The following KSR2 variants were observed in gnomAD, a reference collection of about 807,000 sequenced individuals.
KSR2 encodes the protein kinase suppressor of ras 2.
A neutral mutation model predicts 107.8 loss-of-function variants in KSR2; 25 were observed. The ratio of observed to expected loss-of-function variants is 0.23; its 90% CI spans 0.17 to 0.32. The LOEUF (loss-of-function observed/expected upper bound fraction) is 0.32, where lower values mean the gene tolerates loss of function less well. Among genes scored for constraint, KSR2 ranks in the 10% least tolerant of loss-of-function variants. The pLI, the probability that KSR2 is intolerant of heterozygous loss-of-function variation, is 1.00. For synonymous variants in KSR2, 480 were observed against 507.0 expected (o/e 0.95, Z 0.71); for missense variants, 887 against 1,268.9 (o/e 0.70, Z 4.57).
chr12:117,760,581 T>C (rs1888966443), intron 4 of KSR2, among the ~76,000 whole-genome samples: 1 of 152,206 alleles, frequency 6.6e-6, no homozygotes, highest in Non-Finnish European at 1.5e-5. Context: ...ATCCTATTTC[T>C]AGGAGCGGCA....
In KSR2 at chr12:117,689,095, C is replaced by T. The variant is rs537666312; in HGVS notation, c.987-21437G>A. On this transcript the variant is annotated intron_variant, in intron 4 of 19. Transcript: ENST00000339824. ...CTTCTGTGACCATAACTACCTAATA[C>T]CAACATACAATGAATATGTCCAAAC... Among the ~76,000 whole-genome samples, 19 of 152,308 alleles carry T rather than the reference C, an allele frequency of 1.2e-4. No individual in the cohort carries two copies. The South Asian group carries it at 3.7e-3, about 30-fold the overall frequency.
intron 1 of KSR2, among the ~76,000 whole-genome samples, chr12:117,947,259 AG>A (rs1896230223): frequency 1.5e-5 from 1 of 67,538 alleles, no homozygotes; most frequent in Non-Finnish European, 3.2e-5. Context: ...GAAAGAAAGA[AG>A]ATAAACCACA....
intron 5 of KSR2, among the ~76,000 whole-genome samples, chr12:117,663,201 T>G (rs1884513050): frequency 6.6e-6 from 1 of 152,234 alleles, no homozygotes; most frequent in Non-Finnish European, 1.5e-5. Flanking sequence ...CAAGTTTTAA[T>G]GAAGATGACA....
rs200308402 is a variant in KSR2 at position 117,548,652 on chromosome 12, C to T, written c.1518+6517G>A. ...GTGGGGTTGGCATTTCTCACCCCCA[C>T]ATTTTTCAAGGGTCAACTGAACTTA... On this transcript the variant is annotated intron_variant, in intron 9 of 19. Coordinates refer to ENST00000339824, the MANE Select transcript of KSR2 (RefSeq NM_173598.6). Among the ~76,000 whole-genome samples the T allele has an allele frequency of 4.6e-5, 7 of 152,226 alleles. No individual in the cohort carries two copies. In the East Asian group the frequency reaches 7.7e-4, roughly 17 times the overall value.
chr12:117,770,890 TG>T (rs1329826998), intron 3 of KSR2, among the ~76,000 whole-genome samples: 1 of 144,636 alleles, frequency 6.9e-6, no homozygotes, highest in Admixed American at 7.2e-5. Context: ...GGCAGGAGAA[TG>T]GTGTGAACCC....
chr12:117,484,877 C>T (rs1486991686), intron 15 of KSR2, among the ~76,000 whole-genome samples: 2 of 152,158 alleles, frequency 1.3e-5, no homozygotes, highest in East Asian at 1.9e-4. Context: ...CATCCACTTC[C>T]CCTTTAAATA....
chr12:117,599,345 T>C lies in KSR2; in HGVS notation c.1172-16986A>G, dbSNP rs565783083. ...GGTTCCCAAACTTCACGCATCAGAT[T>C]CCTGGGGGAAGGATAGGTTGTTAAT... On this transcript the variant is annotated intron_variant, in intron 5 of 19. Coordinates refer to ENST00000339824, the MANE Select transcript of KSR2 (RefSeq NM_173598.6). 7.2e-5 allele frequency among the ~76,000 whole-genome samples: 11 copies of C among 152,284 alleles called. No homozygotes were observed. The East Asian group carries it at 2.1e-3, about 29-fold the overall frequency.
intron 1 of KSR2, among the ~76,000 whole-genome samples, chr12:117,882,618 TA>T (rs1894059378): frequency 7.2e-6 from 1 of 138,752 alleles, no homozygotes; most frequent in South Asian, 2.4e-4. Flanking sequence ...TCCTTCCATC[TA>T]TCCATCCATC....
chr12:117,753,209 G>A (rs997148881), intron 4 of KSR2, among the ~76,000 whole-genome samples: 2 of 152,156 alleles, frequency 1.3e-5, no homozygotes, highest in East Asian at 1.9e-4. Flanking sequence ...CTTTGGGAAC[G>A]TTTTTAGATT....
chr12:117,579,787 C>T (rs1328825324), intron 6 of KSR2, among the ~76,000 whole-genome samples: 1 of 152,158 alleles, frequency 6.6e-6, no homozygotes, highest in African/African-American at 2.4e-5. Context: ...AAAGTGAAAG[C>T]CATTCAGACC....
At chr12:117,736,625 C>T (rs930544935) in intron 4 of KSR2, among the ~76,000 whole-genome samples, 1 of 152,018 alleles carries the variant, frequency 6.6e-6, no homozygotes, top group Non-Finnish European at 1.5e-5. Context: ...GCCTGGGCAA[C>T]GTGGCGAAAC....
At chr12:117,647,655 G>A (rs1255523404) in intron 5 of KSR2, among the ~76,000 whole-genome samples, 1 of 152,160 alleles carries the variant, frequency 6.6e-6, no homozygotes, top group Non-Finnish European at 1.5e-5. Flanking sequence ...GCATGTTAGT[G>A]ATGCTGGAGA....
At chr12:117,950,749 A>AAAAAATAATAAT (rs1555260902) in intron 1 of KSR2, among the ~76,000 whole-genome samples, 34 of 132,140 alleles carry the variant, frequency 2.6e-4, no homozygotes, top group Middle Eastern at 3.9e-3. Context: ...AAAAAAAAAA[A>AAAAAATAATAAT]AATAATAATA....
intron 14 of KSR2, among the ~76,000 whole-genome samples, chr12:117,490,002 A>G (rs1398301408): frequency 6.6e-6 from 1 of 152,244 alleles, no homozygotes; most frequent in African/African-American, 2.4e-5. Flanking sequence ...GTATGTGCTT[A>G]GGACCTATAT....
chr12:117,687,234 G>A (rs1471969693), intron 4 of KSR2, among the ~76,000 whole-genome samples: 1 of 152,122 alleles, frequency 6.6e-6, no homozygotes, highest in Non-Finnish European at 1.5e-5. Flanking sequence ...CTTCTGTGGG[G>A]GCAAGTGAGT....
At chr12:117,697,492 T>C (rs959056089) in intron 4 of KSR2, among the ~76,000 whole-genome samples, 4 of 152,276 alleles carry the variant, frequency 2.6e-5, no homozygotes, top group South Asian at 2.1e-4. Flanking sequence ...CCTGTAACCC[T>C]AGCACTTTGG....
intron 5 of KSR2, among the ~76,000 whole-genome samples, chr12:117,643,946 C>T (rs115961678): frequency 0.019 from 2,837 of 152,202 alleles, 93 homozygotes; most frequent in African/African-American, 0.065. Context: ...AATGAATGAT[C>T]CTTGGATGGG....
At chr12:117,684,491 G>A (rs1885489140) in intron 4 of KSR2, among the ~76,000 whole-genome samples, 1 of 152,204 alleles carries the variant, frequency 6.6e-6, no homozygotes, top group Non-Finnish European at 1.5e-5. Context: ...TGGCACTCCA[G>A]TGGATCCAAT....
At chr12:117,763,345 A>C (rs1889115398) in intron 3 of KSR2, among the ~76,000 whole-genome samples, 1 of 152,148 alleles carries the variant, frequency 6.6e-6, no homozygotes, top group Admixed American at 6.5e-5. Context: ...AAAAATCTAA[A>C]AATCTAATGG....
Sources: allele counts gnomAD v4.1 joint callset (sites outside exome capture counted in the v4.1 genomes callset), GRCh38; gene constraint gnomAD v4.1.1; transcripts MANE v1.5; gene names NCBI Gene and HGNC (gene_info 2026-07-23, HGNC 2026-07-21).